Variants in SCFD2 observed in about 807,000 individuals in gnomAD.
SCFD2 encodes the protein sec1 family domain-containing protein 2.
SCFD2 carries 54 observed loss-of-function variants against 58.9 expected under a neutral mutation model. That is an observed-to-expected ratio of 0.92 (90% CI 0.74 to 1.15). The LOEUF is 1.15. Among genes scored for constraint, SCFD2 ranks in the 50% most tolerant of loss-of-function variants. SCFD2 has a pLI of 0.00. For synonymous variants in SCFD2, 321 were observed against 335.9 expected (o/e 0.96, Z 0.49); for missense variants, 805 against 836.6 (o/e 0.96, Z 0.47).
intron 3 of SCFD2, among the ~76,000 whole-genome samples, chr4:53,312,138 G>A (rs1732711813): frequency 6.6e-6 from 1 of 152,112 alleles, no homozygotes; most frequent in African/African-American, 2.4e-5. Context: ...TCTCAGTGCA[G>A]CAAATTTGAG....
At chr4:52,994,003 C>A (rs1721684331) in intron 5 of SCFD2, among the ~76,000 whole-genome samples, 1 of 152,240 alleles carries the variant, frequency 6.6e-6, no homozygotes, top group South Asian at 2.1e-4. Flanking sequence ...AGCCCTGAGG[C>A]TGGTCCCGCT....
Position 53,167,608 on chromosome 4 carries a change from T to C in SCFD2, c.1312-22026A>G, listed in dbSNP as rs376382293. Among the ~76,000 whole-genome samples the C allele has an allele frequency of 1.7e-4, 26 of 152,358 alleles. 1 individual carries two copies. In the South Asian group the frequency reaches 2.1e-3, roughly 12 times the overall value. ...ATGCTACTTAATGAGATAGTCCGTA[T>C]ATATAATCCAACAAGTGAATCAAAA... is the stretch of plus-strand genomic sequence containing the variant. On this transcript the variant is annotated intron_variant, in intron 4 of 8. Coordinates refer to ENST00000401642, the MANE Select transcript of SCFD2 (RefSeq NM_152540.4).
chr4:53,015,943 C>A (rs73250922), intron 5 of SCFD2, among the ~76,000 whole-genome samples: 12,401 of 152,130 alleles, frequency 0.082, 610 homozygotes, highest in Middle Eastern at 0.16. Flanking sequence ...AGATGTTTGT[C>A]CTGTACAAAG....
chr4:53,358,758 C>A (rs946249575), intron 1 of SCFD2, among the ~76,000 whole-genome samples: 7 of 152,168 alleles, frequency 4.6e-5, no homozygotes, highest in African/African-American at 1.2e-4. Context: ...TGAATCAAGT[C>A]TCTTTTTTAA....
At chr4:53,193,640 C>G (rs1371882756) in intron 4 of SCFD2, among the ~76,000 whole-genome samples, 4 of 152,010 alleles carry the variant, frequency 2.6e-5, no homozygotes, top group African/African-American at 4.8e-5. Flanking sequence ...CTAAACAAAG[C>G]CAAGAGCAGT....
intron 4 of SCFD2, among the ~76,000 whole-genome samples, chr4:53,232,974 A>G (rs1053372841): frequency 2.4e-4 from 36 of 152,296 alleles, no homozygotes; most frequent in African/African-American, 8.7e-4. Context: ...GTCTAGTCTC[A>G]GGCACCCACT....
At chr4:52,948,401 C>A in intron 5 of SCFD2, 1 of 413,706 alleles carries the variant, frequency 2.4e-6, no homozygotes, top group South Asian at 1.8e-5. Flanking sequence ...AGGGCCTGGA[C>A]TCACGAGCTA....
intron 5 of SCFD2, chr4:52,957,904 C>T (rs2242310): frequency 0.34 from 52,036 of 152,104 alleles, 10,032 homozygotes; most frequent in Admixed American, 0.48. Flanking sequence ...CCACCTCAAG[C>T]GGGACTCAGC....
At chr4:53,326,893 G>A (rs1733215488) in intron 2 of SCFD2, among the ~76,000 whole-genome samples, 1 of 151,438 alleles carries the variant, frequency 6.6e-6, no homozygotes, top group Non-Finnish European at 1.5e-5. Context: ...TTAAATCCAT[G>A]ACTATTCAAG....
chr4:52,877,179 G>A (rs896431650), intron 8 of SCFD2, among the ~76,000 whole-genome samples: 3 of 152,230 alleles, frequency 2.0e-5, no homozygotes, highest in Admixed American at 6.5e-5. Flanking sequence ...CAGAGACCAT[G>A]GATTTGGCTA....
chr4:52,892,440 T>C (rs1718900046), intron 7 of SCFD2, among the ~76,000 whole-genome samples: 1 of 152,168 alleles, frequency 6.6e-6, no homozygotes, highest in Non-Finnish European at 1.5e-5. Flanking sequence ...CACTTCAGTG[T>C]TTCTGGTCAA....
At chr4:53,051,045 T>C (rs955979532) in intron 5 of SCFD2, among the ~76,000 whole-genome samples, 2 of 152,180 alleles carry the variant, frequency 1.3e-5, no homozygotes, top group African/African-American at 2.4e-5. Context: ...TGTGTGATTG[T>C]TTTATTTCTG....
At chr4:53,097,076 C>G (rs551893315) in intron 5 of SCFD2, among the ~76,000 whole-genome samples, 1 of 152,158 alleles carries the variant, frequency 6.6e-6, no homozygotes, top group South Asian at 2.1e-4. Flanking sequence ...TGGTCTATAT[C>G]TCTGTTTTGG....
At chr4:52,950,820 T>C (rs1192022806) in intron 5 of SCFD2, 3 of 151,398 alleles carry the variant, frequency 2.0e-5, no homozygotes, top group Non-Finnish European at 2.9e-5. Context: ...GGAGGCTCAA[T>C]GAGACAAAAT....
rs548830783 is a variant in SCFD2, at chr4:53,351,200, A to C, written c.1007+1398T>G. Among the ~76,000 whole-genome samples the C allele has an allele frequency of 2.0e-5, 3 of 152,326 alleles. No homozygotes were observed. The South Asian group carries it at 6.2e-4, about 32-fold the overall frequency. ...GTATCTAGCTCATCATAACTCCCAA[A>C]AAATGTGAACAGAGCAGATGACAGA... On this transcript the variant is annotated intron_variant, in intron 2 of 8. Coordinates refer to ENST00000401642, the MANE Select transcript of SCFD2 (RefSeq NM_152540.4).
intron 5 of SCFD2, among the ~76,000 whole-genome samples, chr4:52,969,400 A>G (rs1337344501): frequency 6.6e-6 from 1 of 152,240 alleles, no homozygotes; most frequent in Non-Finnish European, 1.5e-5. Context: ...ATTGGTAGGA[A>G]AATGGTTTAG....
Position 53,303,455 on chromosome 4 carries a change from C to T in SCFD2, c.1135+10181G>A, listed in dbSNP as rs182355977. ...ATCATTAAAAAGTCAGGAAACAGCA[C>T]GTGCTGGAGAGGATGTGGAAAAATA... On this transcript the variant is annotated intron_variant, in intron 3 of 8. Transcript: ENST00000401642. Among the ~76,000 whole-genome samples the T allele has an allele frequency of 3.5e-3, 538 of 152,162 alleles. 3 individuals are homozygous for T. The highest frequency in any genetic ancestry group is 0.011 in the African/African-American group (467 of 41,546).
At chr4:53,249,288 A>G (rs1199270607) in intron 4 of SCFD2, among the ~76,000 whole-genome samples, 1 of 152,216 alleles carries the variant, frequency 6.6e-6, no homozygotes, top group South Asian at 2.1e-4. Context: ...CAAAGCCTCC[A>G]AGAAATATGG....
At chr4:53,196,048 A>G (rs1025592130) in intron 4 of SCFD2, among the ~76,000 whole-genome samples, 14 of 152,170 alleles carry the variant, frequency 9.2e-5, no homozygotes, top group African/African-American at 2.9e-4. Flanking sequence ...GTGTTTATAT[A>G]TAAAAATAAT....
Sources: allele counts gnomAD v4.1 joint callset (sites outside exome capture counted in the v4.1 genomes callset), GRCh38; gene constraint gnomAD v4.1.1; transcripts MANE v1.5; gene names NCBI Gene and HGNC (gene_info 2026-07-23, HGNC 2026-07-21).